Variants in FADS2 observed in about 807,000 individuals in gnomAD.
The protein encoded by FADS2 is fatty acid desaturase 2, also known as acyl-CoA 6-desaturase.
FADS2 carries 18 observed loss-of-function variants against 61.2 expected under a neutral mutation model. The observed-to-expected ratio is 0.29, with a 90% CI of 0.20 to 0.44. The LOEUF (loss-of-function observed/expected upper bound fraction) is 0.44, where lower values mean the gene tolerates loss of function less well. Among genes scored for constraint, FADS2 ranks in the 20% least tolerant of loss-of-function variants. The pLI, the probability that FADS2 is intolerant of heterozygous loss-of-function variation, is 1.00. For missense variants in FADS2, 322 were observed against 572.7 expected (o/e 0.56, Z 4.47); for synonymous variants, 203 against 223.9 (o/e 0.91, Z 0.83).
At chr11:61,838,873 C>G (rs1311343785) in intron 2 of FADS2, among the ~76,000 whole-genome samples, 1 of 152,088 alleles carries the variant, frequency 6.6e-6, no homozygotes, top group Non-Finnish European at 1.5e-5. Context: ...CTCTGCTCGT[C>G]CTGCCCTGTA....
At chr11:61,834,993 C>G (rs1287872254) in intron 1 of FADS2, among the ~76,000 whole-genome samples, 1 of 146,960 alleles carries the variant, frequency 6.8e-6, no homozygotes, top group African/African-American at 2.5e-5. Flanking sequence ...CCCCCCACCC[C>G]AGCCCTCCTC....
At position 61,837,763 on chromosome 11, in the gene FADS2, C is replaced by T. The variant is rs772645024; in HGVS notation, c.208-15C>T. The T allele has an allele frequency of 3.7e-5, 59 of 1,578,166 alleles. No individual in the cohort carries two copies. The Admixed American group carries it at 9.7e-4, about 26-fold the overall frequency. ...AGTTCAGGTCTTAGCCTCATCACTG[C>T]CCTCTGCTCTCCAGGATGCCTTCCG... On this transcript the variant is annotated splice_polypyrimidine_tract_variant and intron_variant, in intron 1 of 11. Transcript: ENST00000278840.
chr11:61,852,559 C>T (rs1057501091), intron 5 of FADS2, among the ~76,000 whole-genome samples: 2 of 152,192 alleles, frequency 1.3e-5, no homozygotes, highest in Non-Finnish European at 2.9e-5. Flanking sequence ...CTGTGCCCGG[C>T]CAAGGTCTGT....
intron 9 of FADS2, 94 bp from the exon 10 acceptor site, chr11:61,863,613 C>T (rs1014954331): frequency 1.0e-4 from 107 of 1,067,706 alleles, no homozygotes; most frequent in Non-Finnish European, 1.4e-4. Context: ...GGACGGGTGG[C>T]CTGGAGACCC....
At chr11:61,857,623 G>T in intron 7 of FADS2, 93 bp downstream of exon 7, 1 of 1,129,568 alleles carries the variant, frequency 8.9e-7, no homozygotes, top group Non-Finnish European at 1.3e-6. Context: ...GTGTGCCCCA[G>T]TGGAGCCTGT....
intron 4 of FADS2, chr11:61,846,822 T>C (rs190906785): frequency 6.6e-6 from 1 of 152,318 alleles, no homozygotes; most frequent in African/African-American, 2.4e-5. Context: ...GGAAAGTTCT[T>C]CTTGTTCATG....
chr11:61,824,421 A>G (rs1591161560), upstream of FADS2, among the ~76,000 whole-genome samples: 2 of 11,096 alleles, frequency 1.8e-4, no homozygotes, highest in Admixed American at 1.8e-3. Context: ...AGAGAGAGAG[A>G]GAGAGAGAGA....
Position 61,856,766 on chromosome 11 carries a change from C to T in FADS2, c.745-245C>T, listed in dbSNP as rs974523485. ...CAGAAGTGCCGGCCTTGTAGAGGAT[C>T]GATGCCATCGGGCCAGTGCTCGGCT... On this transcript the variant is annotated intron_variant, in intron 5 of 11. Transcript: ENST00000278840. 2.2e-4 allele frequency: 117 copies of T among 529,128 alleles called. 1 individual carries two copies. In the East Asian group the frequency reaches 2.9e-3, roughly 13 times the overall value. 32.8% of individuals were successfully genotyped at this position (529,128 alleles called of 1,614,324 possible).
intron 1 of FADS2, among the ~76,000 whole-genome samples, chr11:61,818,049 A>G (rs545719675): frequency 2.0e-5 from 3 of 152,260 alleles, no homozygotes; most frequent in South Asian, 4.2e-4. Flanking sequence ...GCTCTGCCAT[A>G]TTTCTCATTA....
At chr11:61,825,222 C>T (rs1391640860), upstream of FADS2, among the ~76,000 whole-genome samples, 1 of 152,168 alleles carries the variant, frequency 6.6e-6, no homozygotes, top group Non-Finnish European at 1.5e-5. Flanking sequence ...TTCATTTGCT[C>T]AACTCAAATG....
intron 1 of FADS2, among the ~76,000 whole-genome samples, chr11:61,829,506 C>T (rs1433023887): frequency 6.6e-6 from 1 of 152,188 alleles, no homozygotes; most frequent in African/African-American, 2.4e-5. Context: ...GTGATTACCC[C>T]GCACCAGCTA....
At chr11:61,841,278 C>A (rs1370985487) in intron 4 of FADS2, among the ~76,000 whole-genome samples, 2 of 152,074 alleles carry the variant, frequency 1.3e-5, no homozygotes, top group Non-Finnish European at 2.9e-5. Context: ...TATCAAACTT[C>A]TGACCTTGTG....
At chr11:61,828,219 G>A, upstream of FADS2, 3 of 1,432,784 alleles carry the variant, frequency 2.1e-6, no homozygotes, top group Non-Finnish European at 2.7e-6. This position sits in a 1 kb window ranked among gnomAD's most constrained non-coding sequence, Gnocchi z 6.4. Context: ...ACACTCCCGA[G>A]CGCAGGCGAG....
intron 1 of FADS2, among the ~76,000 whole-genome samples, chr11:61,833,914 G>C (rs1302289963): frequency 6.6e-6 from 1 of 152,222 alleles, no homozygotes; most frequent in Non-Finnish European, 1.5e-5. Context: ...CCCGTTACAG[G>C]CACTGTGTTT....
intron 7 of FADS2, among the ~76,000 whole-genome samples, chr11:61,857,809 G>A (rs905014254): frequency 3.9e-5 from 6 of 152,172 alleles, no homozygotes; most frequent in African/African-American, 1.4e-4. Context: ...CAGGATGAGA[G>A]GCAAGTGTGG....
chr11:61,842,845 G>A (rs545239214), intron 4 of FADS2, among the ~76,000 whole-genome samples: 63 of 152,342 alleles, frequency 4.1e-4, no homozygotes, highest in Admixed American at 7.8e-4. Flanking sequence ...CCCATCACTG[G>A]GAAAAAGGGG....
At chr11:61,862,251 G>A (rs971367597) in intron 7 of FADS2, 2 of 152,334 alleles carry the variant, frequency 1.3e-5, no homozygotes, top group African/African-American at 4.8e-5. Context: ...CACTCTGGTT[G>A]CCATGGCCAC....
intron 4 of FADS2, among the ~76,000 whole-genome samples, chr11:61,841,441 G>A (rs2067215836): frequency 6.6e-6 from 1 of 150,492 alleles, no homozygotes; most frequent in South Asian, 2.2e-4. Flanking sequence ...GCATGCACCT[G>A]TAATCCCAGC....
At chr11:61,843,371 G>A (rs971806010) in intron 4 of FADS2, among the ~76,000 whole-genome samples, 4 of 152,176 alleles carry the variant, frequency 2.6e-5, no homozygotes, top group Non-Finnish European at 5.9e-5. Context: ...TGAAGGCTGC[G>A]GTGAGCTGTG....
Sources: gnomAD v4.1 joint callset for allele counts (sites outside exome capture counted in the v4.1 genomes callset) on GRCh38, gnomAD v4.1.1 for gene constraint, Gnocchi (gnomAD v3.1) non-coding constraint, MANE v1.5 for transcripts, NCBI Gene and HGNC (gene_info 2026-07-23, HGNC 2026-07-21) for gene names.